DDAH1: variants seen among roughly 807,000 people sequenced by gnomAD.
DDAH1 encodes the protein N(G),N(G)-dimethylarginine dimethylaminohydrolase 1.
In DDAH1, 19 loss-of-function variants were observed where a neutral mutation model predicts 28.8. That is an observed-to-expected ratio of 0.66 (90% CI 0.46 to 0.97). DDAH1 has a LOEUF of 0.97. Among genes scored for constraint, DDAH1 ranks in the 50% least tolerant of loss-of-function variants. The pLI, the probability that DDAH1 is intolerant of heterozygous loss-of-function variation, is 0.00. For missense variants in DDAH1, 326 were observed against 375.9 expected (o/e 0.87, Z 1.10); for synonymous variants, 153 against 154.4 (o/e 0.99, Z 0.07).
chr1:85,564,303 C>T (rs1659222746), intron 1 of DDAH1, among the ~76,000 whole-genome samples: 1 of 152,116 alleles, frequency 6.6e-6, no homozygotes, highest in Non-Finnish European at 1.5e-5. Flanking sequence ...GCATTAGAAA[C>T]TTTCCATAGT....
intron 1 of DDAH1, among the ~76,000 whole-genome samples, chr1:85,462,666 G>A (rs562487481): frequency 2.0e-5 from 3 of 152,276 alleles, no homozygotes; most frequent in South Asian, 4.1e-4. Flanking sequence ...AGCTGGTGCC[G>A]TGAGAGATTT....
chr1:85,429,314 C>G (rs1429399139), intron 1 of DDAH1, among the ~76,000 whole-genome samples: 2 of 152,084 alleles, frequency 1.3e-5, no homozygotes, highest in Non-Finnish European at 2.9e-5. Flanking sequence ...GGGTTTCCAG[C>G]TTCATCCATG....
chr1:85,511,612 T>C (rs1657236471), intron 1 of DDAH1, among the ~76,000 whole-genome samples: 1 of 151,692 alleles, frequency 6.6e-6, no homozygotes, highest in Non-Finnish European at 1.5e-5. Context: ...GCAAGACTAA[T>C]AAAGAAGAAA....
intron 1 of DDAH1, among the ~76,000 whole-genome samples, chr1:85,397,007 A>C (rs1274742034): frequency 1.3e-5 from 2 of 151,252 alleles, no homozygotes; most frequent in African/African-American, 4.9e-5. Context: ...ACTGCACTCC[A>C]GGCTGGGTGA....
In DDAH1 at chr1:85,464,307, G is replaced by T. The variant is rs1257733704; in HGVS notation, c.303+436C>A. On this transcript the variant is annotated intron_variant, in intron 1 of 5. Transcript: ENST00000284031. This position sits in a 1 kb window ranked among gnomAD's most constrained non-coding sequence, Gnocchi z 4.4. ...TTGTCCTGCTCCGAGCGCCAGGCAGGACTTGGGGGCTTCGGTGTCACGACT... is the reference window on the plus strand; with the variant it reads ...TTGTCCTGCTCCGAGCGCCAGGCAGTACTTGGGGGCTTCGGTGTCACGACT... Among the ~76,000 whole-genome samples, 1 of 152,166 alleles carries T rather than the reference G, an allele frequency of 6.6e-6. No individual in the cohort carries two copies. Among genetic ancestry groups the T allele is most frequent in the Admixed American group, 6.5e-5 (1 of 15,282 alleles).
At chr1:85,484,809 G>T (rs1656145206) in intron 2 of DDAH1, among the ~76,000 whole-genome samples, 1 of 152,190 alleles carries the variant, frequency 6.6e-6, no homozygotes, top group African/African-American at 2.4e-5. Context: ...GAAGTTGGCT[G>T]ATTTGACCTC....
chr1:85,354,961 A>G (rs1649415951), intron 2 of DDAH1, among the ~76,000 whole-genome samples: 1 of 152,100 alleles, frequency 6.6e-6, no homozygotes, highest in African/African-American at 2.4e-5. Flanking sequence ...CATTCAAGAG[A>G]AAGAGTTCAA....
chr1:85,443,950 T>C (rs1654320407), intron 1 of DDAH1, among the ~76,000 whole-genome samples: 1 of 152,210 alleles, frequency 6.6e-6, no homozygotes, highest in Non-Finnish European at 1.5e-5. Context: ...TAGAATCATG[T>C]CATCTGCAAA....
At chr1:85,322,052 AAAC>A (rs1376151852) in intron 5 of DDAH1, among the ~76,000 whole-genome samples, 1 of 152,102 alleles carries the variant, frequency 6.6e-6, no homozygotes, top group African/African-American at 2.4e-5. Context: ...TACCTGGGAC[AAAC>A]AACAGATACA....
intron 2 of DDAH1, among the ~76,000 whole-genome samples, chr1:85,352,817 C>G (rs142358401): frequency 1.3e-5 from 2 of 151,468 alleles, no homozygotes; most frequent in Non-Finnish European, 2.9e-5. Flanking sequence ...TATGTCACTT[C>G]GCTTAAAAGT....
At chr1:85,389,500 A>G (rs1449784934) in intron 1 of DDAH1, among the ~76,000 whole-genome samples, 1 of 152,126 alleles carries the variant, frequency 6.6e-6, no homozygotes, top group African/African-American at 2.4e-5. Flanking sequence ...ATGTGTGTTG[A>G]GTGGCTGATG....
intron 1 of DDAH1, among the ~76,000 whole-genome samples, chr1:85,519,614 A>G (rs1238868576): frequency 6.6e-6 from 1 of 152,234 alleles, no homozygotes; most frequent in Non-Finnish European, 1.5e-5. Context: ...AAAAATTTCA[A>G]TAAATAAAAA....
At chr1:85,512,296 A>G (rs529194770) in intron 1 of DDAH1, among the ~76,000 whole-genome samples, 164 of 152,334 alleles carry the variant, frequency 1.1e-3, no homozygotes, top group Non-Finnish European at 1.8e-3. Context: ...ACAAAATTCA[A>G]CAGCCCTTCA....
chr1:85,348,179 T>C (rs1265211546), intron 4 of DDAH1, among the ~76,000 whole-genome samples: 1 of 152,162 alleles, frequency 6.6e-6, no homozygotes. Context: ...CTATAAAGTC[T>C]TCATAGGATG....
intron 1 of DDAH1, among the ~76,000 whole-genome samples, chr1:85,396,837 C>A (rs567642455): frequency 1.3e-5 from 2 of 152,012 alleles, no homozygotes; most frequent in East Asian, 1.9e-4. Context: ...GAGTTCAAGA[C>A]CACCCTGGGC....
chr1:85,405,995 C>G (rs886527474), intron 1 of DDAH1, among the ~76,000 whole-genome samples: 1 of 152,210 alleles, frequency 6.6e-6, no homozygotes, highest in African/African-American at 2.4e-5. Flanking sequence ...AAGCTAAGAA[C>G]TGACATTTAT....
At chr1:85,367,416 G>A (rs1650132962) in intron 1 of DDAH1, among the ~76,000 whole-genome samples, 1 of 152,118 alleles carries the variant, frequency 6.6e-6, no homozygotes, top group South Asian at 2.1e-4. Context: ...GCTTCCCCAG[G>A]TGATCCCTGT....
At chr1:85,485,588 C>T (rs963070383) in intron 2 of DDAH1, among the ~76,000 whole-genome samples, 3 of 152,158 alleles carry the variant, frequency 2.0e-5, no homozygotes, top group Non-Finnish European at 4.4e-5. Context: ...CCTTCAGCCA[C>T]ATGTCAGTAA....
chr1:85,506,263 C>A (rs1036252979), intron 1 of DDAH1, among the ~76,000 whole-genome samples: 1 of 152,090 alleles, frequency 6.6e-6, no homozygotes, highest in Non-Finnish European at 1.5e-5. Flanking sequence ...GTCTTCCCAC[C>A]ATGGAGAGAG....
Sources: gnomAD v4.1 joint callset for allele counts (sites outside exome capture counted in the v4.1 genomes callset) on GRCh38, gnomAD v4.1.1 for gene constraint, Gnocchi (gnomAD v3.1) non-coding constraint, MANE v1.5 for transcripts, NCBI Gene and HGNC (gene_info 2026-07-23, HGNC 2026-07-21) for gene names.